PDE8A: variants seen among roughly 807,000 people sequenced by gnomAD.
PDE8A encodes high affinity cAMP-specific and IBMX-insensitive 3',5'-cyclic phosphodiesterase 8A.
A neutral mutation model predicts 105.0 loss-of-function variants in PDE8A; 59 were observed. The ratio of observed to expected loss-of-function variants is 0.56; its 90% CI spans 0.46 to 0.70. The LOEUF (loss-of-function observed/expected upper bound fraction) is 0.70. Among genes scored for constraint, PDE8A ranks in the 30% least tolerant of loss-of-function variants. The probability of loss-of-function intolerance (pLI) is 0.00; values close to 1 mark genes in which losing one functional copy is unlikely to be tolerated. For missense variants in PDE8A, 1,014 were observed against 1,045.9 expected, an observed-to-expected ratio of 0.97 and a Z score of 0.42; for synonymous variants, 355 against 371.9, an observed-to-expected ratio of 0.95 and a Z score of 0.52.
At chr15:85,017,930 G>A (rs1390565886) in intron 1 of PDE8A, among the ~76,000 whole-genome samples, 2 of 141,002 alleles carry the variant, frequency 1.4e-5, no homozygotes, top group Non-Finnish European at 3.1e-5. Flanking sequence ...TGTGGAGAAA[G>A]TTTTTGTGTT....
At chr15:85,047,196 T>C (rs1254821632) in intron 1 of PDE8A, among the ~76,000 whole-genome samples, 1 of 152,194 alleles carries the variant, frequency 6.6e-6, no homozygotes, top group Non-Finnish European at 1.5e-5. Context: ...AAAAATAAAT[T>C]ATTATTAAGA....
intron 20 of PDE8A, 113 bp downstream of exon 20, chr15:85,126,487 T>C: frequency 1.3e-6 from 1 of 793,338 alleles, no homozygotes; most frequent in Non-Finnish European, 1.8e-6. Context: ...AATTCTGTCC[T>C]TGTTTTGCAA....
intron 3 of PDE8A, among the ~76,000 whole-genome samples, chr15:85,071,666 C>T (rs2081313001): frequency 6.6e-6 from 1 of 152,150 alleles, no homozygotes; most frequent in Admixed American, 6.5e-5. Flanking sequence ...TGATCTACCG[C>T]CCAGACCTAA....
chr15:85,083,710 G>A, intron 6 of PDE8A, 66 bp downstream of exon 6: 1 of 994,430 alleles, frequency 1.0e-6, no homozygotes, highest in Non-Finnish European at 1.6e-6. Flanking sequence ...GAGAACTTTG[G>A]TTGTGGGGAA....
At chr15:85,115,130 A>G (rs1232309680) in intron 14 of PDE8A, 1 of 356,890 alleles carries the variant, frequency 2.8e-6, no homozygotes, top group Non-Finnish European at 5.0e-6. Context: ...GCAAGCAAGA[A>G]TGCTGGGCTT....
intron 1 of PDE8A, among the ~76,000 whole-genome samples, chr15:85,001,371 A>G (rs2142178488): frequency 6.6e-6 from 1 of 152,290 alleles, no homozygotes; most frequent in East Asian, 1.9e-4. Flanking sequence ...TTCCATTACA[A>G]AAACAAAAAC....
chr15:85,085,099 A>G (rs1290271643), intron 6 of PDE8A, among the ~76,000 whole-genome samples: 2 of 152,122 alleles, frequency 1.3e-5, no homozygotes, highest in East Asian at 1.9e-4. Flanking sequence ...GACACCCCAG[A>G]TAGGCACCCA....
intron 1 of PDE8A, among the ~76,000 whole-genome samples, chr15:85,007,030 T>G (rs775865357): frequency 6.6e-6 from 1 of 152,102 alleles, no homozygotes; most frequent in Non-Finnish European, 1.5e-5. Context: ...CAGCAGTGTT[T>G]GGCCATTCTT....
intron 1 of PDE8A, among the ~76,000 whole-genome samples, chr15:85,042,908 G>A (rs2080832590): frequency 6.6e-6 from 1 of 152,132 alleles, no homozygotes; most frequent in Non-Finnish European, 1.5e-5. Context: ...CCAGAATACG[G>A]GTTATGGGAA....
chr15:85,062,350 C>T (rs878977162), intron 1 of PDE8A: 5 of 152,154 alleles, frequency 3.3e-5, no homozygotes, highest in Admixed American at 3.3e-4. Flanking sequence ...ATTTTCTAAG[C>T]CTTTCCCTAG....
chr15:85,067,332 T>C (rs2081245601), intron 3 of PDE8A, 128 bp downstream of exon 3: 2 of 595,274 alleles, frequency 3.4e-6, no homozygotes, highest in Admixed American at 7.0e-5. Flanking sequence ...AAACAAAATA[T>C]TAGAACCTCA....
chr15:85,034,341 TCCA>T (rs1405989607), intron 1 of PDE8A, among the ~76,000 whole-genome samples: 2 of 152,194 alleles, frequency 1.3e-5, no homozygotes, highest in Non-Finnish European at 2.9e-5. Context: ...TAAACTTCAG[TCCA>T]CCAAGAGATA....
intron 1 of PDE8A, among the ~76,000 whole-genome samples, chr15:85,039,145 A>G (rs1251395690): frequency 6.0e-5 from 9 of 150,346 alleles, no homozygotes; most frequent in Admixed American, 6.0e-4. Context: ...AAAAGAAAAG[A>G]GTGGGTACAG....
chr15:85,062,570 C>G (rs1211168614), intron 1 of PDE8A: 9 of 152,226 alleles, frequency 5.9e-5, no homozygotes, highest in Admixed American at 3.9e-4. Context: ...CCTTCTTTGT[C>G]TGCACCTCTG....
At chr15:85,126,945 C>T (rs960356059) in intron 20 of PDE8A, among the ~76,000 whole-genome samples, 4 of 152,196 alleles carry the variant, frequency 2.6e-5, no homozygotes, top group African/African-American at 9.7e-5. Flanking sequence ...ACGGGAACAT[C>T]TTTAAAGTGC....
At chr15:85,097,193 T>A (rs1191232474) in intron 8 of PDE8A, among the ~76,000 whole-genome samples, 1 of 152,146 alleles carries the variant, frequency 6.6e-6, no homozygotes, top group Non-Finnish European at 1.5e-5. Flanking sequence ...GAGGAATTCA[T>A]AACATTTTAG....
intron 2 of PDE8A, among the ~76,000 whole-genome samples, chr15:85,066,615 C>CACAT (rs1308957266): frequency 4.9e-5 from 6 of 123,276 alleles, no homozygotes; most frequent in African/African-American, 2.8e-4. Context: ...CACACACACA[C>CACAT]ACACACACAC....
At chr15:84,986,644 G>C (rs891649679) in intron 1 of PDE8A, among the ~76,000 whole-genome samples, 29 of 149,812 alleles carry the variant, frequency 1.9e-4, no homozygotes, top group African/African-American at 6.7e-4. Flanking sequence ...ACAGCGTCTT[G>C]CTTTGTTACC....
intron 1 of PDE8A, among the ~76,000 whole-genome samples, chr15:85,029,901 CTT>C (rs764313496): frequency 6.6e-6 from 1 of 152,300 alleles, no homozygotes; most frequent in African/African-American, 2.4e-5. Flanking sequence ...GGGGGACACT[CTT>C]TTAACTGGGA....
Sources: allele counts gnomAD v4.1 joint callset (sites outside exome capture counted in the v4.1 genomes callset), GRCh38; gene constraint gnomAD v4.1.1; transcripts MANE v1.5; gene names NCBI Gene and HGNC (gene_info 2026-07-23, HGNC 2026-07-21).